Variants in MREG observed in about 807,000 individuals in gnomAD.
MREG encodes dilute suppressor protein homolog.
A neutral mutation model predicts 28.5 loss-of-function variants in MREG; 31 were observed. That is an observed-to-expected ratio of 1.09 (90% confidence interval 0.82 to 1.47). The LOEUF is 1.47. Among genes scored for constraint, MREG ranks in the 40% most tolerant of loss-of-function variants. The probability of loss-of-function intolerance (pLI) is 0.00; values close to 1 mark genes in which losing one functional copy is unlikely to be tolerated. For synonymous variants in MREG, 106 were observed against 95.2 expected (o/e 1.11, Z -0.66); for missense variants, 256 against 257.4 (o/e 0.99, Z 0.04).
At chr2:216,008,683 G>C (rs1694223360) in intron 1 of MREG, among the ~76,000 whole-genome samples, 1 of 152,204 alleles carries the variant, frequency 6.6e-6, no homozygotes, top group South Asian at 2.1e-4. Context: ...TGCTCTAGAT[G>C]ACTGTTTTGT....
Position 216,011,375 on chromosome 2 carries a change from A to G in MREG, c.95+1858T>C, listed in dbSNP as rs750103857. On this transcript the variant is annotated intron_variant, in intron 1 of 4. Transcript: ENST00000263268. ...ATGAGACCAGTCCACTCATACCCAC[A>G]TGCTCAGAATAACAATGATAATTAA... Among the ~76,000 whole-genome samples the G allele has an allele frequency of 2.6e-5, 4 of 152,200 alleles. No individual in the cohort carries two copies. In the East Asian group the frequency reaches 7.7e-4, roughly 29 times the overall value.
At chr2:215,970,177 G>A (rs1277135545) in intron 2 of MREG, among the ~76,000 whole-genome samples, 1 of 152,106 alleles carries the variant, frequency 6.6e-6, no homozygotes, top group Non-Finnish European at 1.5e-5. Flanking sequence ...CAGTACAACT[G>A]CTTTCCCAAT....
At chr2:215,991,929 A>G (rs1459170970) in intron 2 of MREG, among the ~76,000 whole-genome samples, 1 of 152,232 alleles carries the variant, frequency 6.6e-6, no homozygotes, top group Non-Finnish European at 1.5e-5. Flanking sequence ...AAAAAAGCCC[A>G]GGACCAGACG....
chr2:215,998,307 C>CAAAA (rs1222506866), intron 1 of MREG, among the ~76,000 whole-genome samples: 12 of 123,906 alleles, frequency 9.7e-5, no homozygotes, highest in African/African-American at 2.7e-4. Flanking sequence ...CTCCATCTCA[C>CAAAA]AAAAAAAAAA....
chr2:215,964,965 T>C (rs1466580224), intron 2 of MREG, among the ~76,000 whole-genome samples: 5 of 152,210 alleles, frequency 3.3e-5, no homozygotes, highest in African/African-American at 1.2e-4. Context: ...TAGGATTACA[T>C]GTGAGTGACT....
At chr2:215,964,287 C>G (rs1291079255) in intron 2 of MREG, among the ~76,000 whole-genome samples, 1 of 152,080 alleles carries the variant, frequency 6.6e-6, no homozygotes, top group Admixed American at 6.5e-5. Flanking sequence ...AGTTCAAGAC[C>G]AGCCTGGCCA....
rs77058526 is a variant in MREG at position 216,010,324 on chromosome 2, G to T, written c.95+2909C>A. Among the ~76,000 whole-genome samples the T allele has an allele frequency of 6.6e-3, 982 of 149,112 alleles. 41 individuals are homozygous for T. The East Asian group carries it at 0.1, about 15-fold the overall frequency. ...CGGAAACCTTGATTTCAGACTTTTG[G>T]CTTCTAGAACTGTGAAAGAAAAGAT... On this transcript the variant is annotated intron_variant, in intron 1 of 4. Transcript: ENST00000263268.
chr2:216,033,937 A>T (rs1451480655), upstream of MREG: 2 of 152,226 alleles, frequency 1.3e-5, no homozygotes, highest in African/African-American at 4.8e-5. Context: ...TGGGCTCAGT[A>T]ATCGCTAGTT....
chr2:215,952,967 C>T (rs1692526962), intron 2 of MREG, among the ~76,000 whole-genome samples: 1 of 152,164 alleles, frequency 6.6e-6, no homozygotes, highest in African/African-American at 2.4e-5. Context: ...TGTGCTCTCT[C>T]TTTCTCTCTC....
chr2:215,999,897 G>A (rs1393679998), intron 1 of MREG, among the ~76,000 whole-genome samples: 6 of 152,210 alleles, frequency 3.9e-5, no homozygotes, highest in Non-Finnish European at 8.8e-5. Flanking sequence ...GGAGCAATAC[G>A]CAGCATTTCA....
intron 2 of MREG, among the ~76,000 whole-genome samples, chr2:215,982,504 A>G (rs936450349): frequency 6.6e-6 from 1 of 152,186 alleles, no homozygotes; most frequent in Non-Finnish European, 1.5e-5. Flanking sequence ...TAGTAATCGA[A>G]TGGTGCAATA....
intron 2 of MREG, among the ~76,000 whole-genome samples, chr2:215,964,486 A>AAAAAG (rs1553548792): frequency 4.0e-5 from 6 of 150,360 alleles, no homozygotes; most frequent in Admixed American, 6.6e-5. Context: ...TGTCTCAAAA[A>AAAAAG]AAAGAAAGAA....
intron 2 of MREG, among the ~76,000 whole-genome samples, chr2:215,953,299 C>A (rs1409252409): frequency 6.6e-6 from 1 of 152,196 alleles, no homozygotes; most frequent in Non-Finnish European, 1.5e-5. Context: ...TTGGCTTATG[C>A]CAATAAACTC....
chr2:216,018,648 A>G (rs1273725522), intron 1 of MREG, among the ~76,000 whole-genome samples: 1 of 152,252 alleles, frequency 6.6e-6, no homozygotes, highest in Non-Finnish European at 1.5e-5. Flanking sequence ...CAAGTGATCC[A>G]AGATAGAGAA....
chr2:216,032,734 C>T (rs923812202), intron 1 of MREG: 6 of 152,198 alleles, frequency 3.9e-5, no homozygotes, highest in African/African-American at 1.4e-4. Flanking sequence ...CCATGTTACC[C>T]CCATCCAAAT....
intron 1 of MREG, among the ~76,000 whole-genome samples, chr2:216,022,255 AAAT>A (rs746577329): frequency 2.6e-5 from 4 of 152,100 alleles, no homozygotes; most frequent in Non-Finnish European, 5.9e-5. Flanking sequence ...CTGTCTCAAA[AAAT>A]AATAATAATA....
At chr2:216,025,539 G>A (rs1003784703) in intron 1 of MREG, among the ~76,000 whole-genome samples, 16 of 152,266 alleles carry the variant, frequency 1.1e-4, no homozygotes, top group Admixed American at 9.2e-4. Context: ...CCTATGGGGA[G>A]TTCTAAAGAC....
intron 1 of MREG, among the ~76,000 whole-genome samples, chr2:216,009,021 G>C (rs188721940): frequency 1.3e-5 from 2 of 152,330 alleles, no homozygotes; most frequent in Admixed American, 1.3e-4. Flanking sequence ...GTCTGTGGTA[G>C]TTAGGTTCTG....
chr2:215,953,233 A>T (rs1692533630), intron 2 of MREG, among the ~76,000 whole-genome samples: 1 of 152,172 alleles, frequency 6.6e-6, no homozygotes, highest in African/African-American at 2.4e-5. Flanking sequence ...TATTAAGTAC[A>T]CTCAGACTTT....
Sources: allele counts gnomAD v4.1 joint callset (sites outside exome capture counted in the v4.1 genomes callset), GRCh38; gene constraint gnomAD v4.1.1; transcripts MANE v1.5; gene names NCBI Gene and HGNC (gene_info 2026-07-23, HGNC 2026-07-21).